Variants in KIAA1755 observed in about 807,000 individuals in gnomAD.
KIAA1755 encodes the protein KIAA1755.
Under a neutral mutation model 91.7 loss-of-function variants are expected in KIAA1755, and 68 were observed. That is an observed-to-expected ratio of 0.74 (90% CI 0.61 to 0.91). The LOEUF (loss-of-function observed/expected upper bound fraction) is 0.91, where lower values mean the gene tolerates loss of function less well. Ranked by LOEUF, KIAA1755 falls within the 40% of genes least tolerant of loss-of-function variation. KIAA1755 has a pLI of 0.00. For synonymous variants in KIAA1755, 610 were observed against 604.6 expected (o/e 1.01, Z -0.13); for missense variants, 1,535 against 1,494.4 (o/e 1.03, Z -0.45).
chr20:38,216,236 G>A (rs896889927), intron 13 of KIAA1755, among the ~76,000 whole-genome samples: 3 of 152,238 alleles, frequency 2.0e-5, no homozygotes, highest in African/African-American at 7.2e-5. Flanking sequence ...GATTCCGCCT[G>A]TATCGTGCTC....
At chr20:38,254,866 T>C (rs1450386758) in intron 1 of KIAA1755, among the ~76,000 whole-genome samples, 1 of 151,664 alleles carries the variant, frequency 6.6e-6, no homozygotes, top group Non-Finnish European at 1.5e-5. Context: ...AATCCTCAGT[T>C]GGTGAGAAGG....
Position 38,241,272 on chromosome 20 carries a change from C to T in KIAA1755, c.859G>A (p.Gly287Arg), listed in dbSNP as rs1200586448. The T allele has an allele frequency of 6.2e-7, 1 of 1,614,028 alleles. No homozygotes were observed. Among genetic ancestry groups the T allele is most frequent in the Non-Finnish European group, 8.5e-7 (1 of 1,180,020 alleles). Residue 287 changes from glycine (G) to arginine (R), a missense_variant, in exon 3 of 14, where the codon GGA becomes AGA. Gly to Arg is a moderately radical substitution (Grantham distance 125). Transcript: ENST00000279024. ...CCTGCCTCCCTACTGGGAGACTCTCCTCTGCTCTCTTGGGAAAAGCCTAGG... is the reference window on the plus strand; with the variant it reads ...CCTGCCTCCCTACTGGGAGACTCTCTTCTGCTCTCTTGGGAAAAGCCTAGG... ...ALLGFSQESRGESPSREAGTS... is the reference protein window; with the variant it reads ...ALLGFSQESRRESPSREAGTS...
At chr20:38,217,163 C>A in intron 13 of KIAA1755, 90 bp downstream of exon 13, 1 of 1,161,248 alleles carries the variant, frequency 8.6e-7, no homozygotes, top group Non-Finnish European at 1.2e-6. Flanking sequence ...TGCAGTCAGG[C>A]CATGGGGCTG....
In KIAA1755 at chr20:38,241,420, C is replaced by T. The variant is rs1186907015; in HGVS notation, c.711G>A (p.Lys237=). 6.8e-6 allele frequency: 11 copies of T among 1,614,102 alleles called. No homozygotes were observed. In the Admixed American group the frequency reaches 1.5e-4, roughly 22 times the overall value. The part of the protein sequence containing the change: ...VLPAQSLAKG[K]GRTYGSKYPG... ...GATACTTGCTCCCATATGTCCTGCC[C>T]TTACCCTTGGCCAAACTCTGGGCAG... Residue 237 remains lysine (K), a synonymous_variant, in exon 3 of 14, where the codon AAG becomes AAA. Coordinates refer to ENST00000279024, the MANE Select transcript of KIAA1755 (RefSeq NM_001029864.2).
Position 38,259,067 on chromosome 20 carries a change from G to A in KIAA1755, c.3+1431C>T, listed in dbSNP as rs142878389. On this transcript the variant is annotated intron_variant, in intron 1 of 13. Coordinates refer to ENST00000279024, the MANE Select transcript of KIAA1755 (RefSeq NM_001029864.2). ...CACTTTCTGGGTGGGGTGACCTTGG[G>A]CAGCTACTTAAGTTCCCAGAGCCTG... Among the ~76,000 whole-genome samples, 35 of 152,280 alleles carry A rather than the reference G, an allele frequency of 2.3e-4. No homozygotes were observed. In the East Asian group the frequency reaches 5.4e-3, roughly 23 times the overall value.
chr20:38,250,331 T>A (rs909652726), intron 1 of KIAA1755, among the ~76,000 whole-genome samples: 1 of 152,176 alleles, frequency 6.6e-6, no homozygotes, highest in Admixed American at 6.5e-5. Context: ...AAATGGAGAC[T>A]GTAATTACAC....
chr20:38,236,388 G>A (rs1421056019), intron 4 of KIAA1755, among the ~76,000 whole-genome samples: 2 of 152,200 alleles, frequency 1.3e-5, no homozygotes, highest in Admixed American at 6.5e-5. Flanking sequence ...AGCCTGGAGA[G>A]AGCATTTACA....
At chr20:38,216,325 G>A (rs2075542863) in intron 13 of KIAA1755, among the ~76,000 whole-genome samples, 2 of 152,224 alleles carry the variant, frequency 1.3e-5, no homozygotes, top group African/African-American at 2.4e-5. Flanking sequence ...CTGTCCCAAG[G>A]AGACAGAGAG....
chr20:38,242,310 C>A (rs775310301), intron 2 of KIAA1755, among the ~76,000 whole-genome samples: 1 of 152,214 alleles, frequency 6.6e-6, no homozygotes, highest in Non-Finnish European at 1.5e-5. Flanking sequence ...GTGGTTTAGA[C>A]AAACGTCTAT....
chr20:38,213,438 T>C lies in KIAA1755; in HGVS notation c.3207A>G (p.Glu1069=), dbSNP rs568341291. The change falls in exon 14 of 14, where the codon GAA becomes GAG. Residue 1069 remains glutamate (E), a synonymous_variant. Coordinates refer to ENST00000279024, the MANE Select transcript of KIAA1755 (RefSeq NM_001029864.2). The part of the protein sequence containing the change: ...EAPAAHSARP[E]RRGVAAKGQG... ...GGCCCTTGGCTGCCACCCCTCTTCG[T>C]TCTGGGCGCGCTGAGTGAGCAGCTG... 3 of 1,602,070 alleles carry C rather than the reference T, an allele frequency of 1.9e-6. No individual in the cohort carries two copies. In the African/African-American group the frequency reaches 4.0e-5, roughly 21 times the overall value.
At chr20:38,235,977 T>C (rs2075953471) in intron 4 of KIAA1755, among the ~76,000 whole-genome samples, 1 of 152,112 alleles carries the variant, frequency 6.6e-6, no homozygotes, top group Non-Finnish European at 1.5e-5. Context: ...GTTTGCCCTA[T>C]AAGGAAACTC....
intron 3 of KIAA1755, among the ~76,000 whole-genome samples, chr20:38,240,300 G>T (rs1314032093): frequency 6.6e-6 from 1 of 152,164 alleles, no homozygotes; most frequent in Admixed American, 6.5e-5. Flanking sequence ...TGCACAGATA[G>T]GGAGAACGTG....
In KIAA1755 at chr20:38,213,445, C is replaced by A; in HGVS notation, c.3200G>T (p.Arg1067Leu). ...GGCTGCCACCCCTCTTCGTTCTGGG[C>A]GCGCTGAGTGAGCAGCTGGAGCCTC... Reference protein sequence around the residue: ...CPEAPAAHSARPERRGVAAKG... With the variant: ...CPEAPAAHSALPERRGVAAKG... Residue 1067 changes from arginine (R) to leucine (L), a missense_variant, in exon 14 of 14, where the codon CGC (arginine) becomes CTC (leucine). Arg to Leu is a moderately radical substitution (Grantham distance 102, BLOSUM62 -2). Transcript: ENST00000279024. The A allele has an allele frequency of 6.2e-7, 1 of 1,601,962 alleles. No individual in the cohort carries two copies.
chr20:38,226,345 GT>G (rs998719119), intron 7 of KIAA1755, among the ~76,000 whole-genome samples: 1 of 152,126 alleles, frequency 6.6e-6, no homozygotes, highest in Admixed American at 6.5e-5. Context: ...GGATTCTGTG[GT>G]TTTTTTGGAC....
rs1366254479 is a variant in KIAA1755 at position 38,213,286 on chromosome 20, G to T, written c.3359C>A (p.Thr1120Asn). The change falls in exon 14 of 14, where the codon ACT (threonine) becomes AAT (asparagine). Residue 1120 changes from threonine to asparagine, a missense_variant. Thr to Asn is a moderately conservative substitution (Grantham distance 65). Coordinates refer to ENST00000279024, the MANE Select transcript of KIAA1755 (RefSeq NM_001029864.2). The part of the protein sequence containing the change: ...PGPPRGEQNR[T>N]FQAGSPPQEA... ...CTGGGGTGGAGAGCCTGCCTGGAAA[G>T]TTCTGTTCTGTTCCCCTCTGGGGGG... The T allele has an allele frequency of 6.2e-7, 1 of 1,613,752 alleles. No homozygotes were observed. Among genetic ancestry groups the T allele is most frequent in the Non-Finnish European group, 8.5e-7 (1 of 1,179,938 alleles).
rs1600547905 is a variant in KIAA1755 at position 38,211,662 on chromosome 20, T to C, written c.*1380A>G. ...AGTTCAGGGAGGCTTGGTGGGGAGGTGAGAGAGAGGAGGGACCTCTAAGGC... is the reference window on the plus strand; with the variant it reads ...AGTTCAGGGAGGCTTGGTGGGGAGGCGAGAGAGAGGAGGGACCTCTAAGGC... On this transcript the variant is annotated 3_prime_UTR_variant, in exon 14 of 14. Coordinates refer to ENST00000279024, the MANE Select transcript of KIAA1755 (RefSeq NM_001029864.2). The C allele has an allele frequency of 1.3e-5, 2 of 151,554 alleles. No individual in the cohort carries two copies. The highest frequency in any genetic ancestry group is 2.4e-5 in the African/African-American group (1 of 41,156). 9.4% of individuals were successfully genotyped at this position (151,554 alleles called of 1,614,324 possible). A position where few individuals can be genotyped will look rare whatever the true frequency, so the allele number is the denominator to read the frequency against.
At chr20:38,213,833 C>A in intron 13 of KIAA1755, 90 bp from the exon 14 acceptor site, 1 of 936,158 alleles carries the variant, frequency 1.1e-6, no homozygotes, top group Non-Finnish European at 1.5e-6. Context: ...GCCAGGGCCC[C>A]GCTCAGCTTG....
At chr20:38,232,320 T>C (rs2075880568) in intron 4 of KIAA1755, among the ~76,000 whole-genome samples, 1 of 152,116 alleles carries the variant, frequency 6.6e-6, no homozygotes, top group Non-Finnish European at 1.5e-5. Context: ...TCTGATATAA[T>C]TTTTAAAATA....
Position 38,260,734 on chromosome 20 carries a change from A to C in KIAA1755, c.-234T>G. 3.2e-6 allele frequency: 1 copy of C among 311,238 alleles called. No homozygotes were observed. Among genetic ancestry groups the C allele is most frequent in the Non-Finnish European group, 5.6e-6 (1 of 179,060 alleles). 19.3% of individuals were successfully genotyped at this position (311,238 alleles called of 1,614,324 possible). ...ACTGAGGCTGGAGACGGCGAGAGAC[A>C]TAAGGGAGCCGCGGGCGGCGCGGGT... is the stretch of plus-strand genomic sequence containing the variant. On this transcript the variant is annotated 5_prime_UTR_variant, in exon 1 of 14. It removes an upstream start codon present in the reference 5' UTR. Coordinates refer to ENST00000279024, the MANE Select transcript of KIAA1755 (RefSeq NM_001029864.2).
Sources: allele counts gnomAD v4.1 joint callset (sites outside exome capture counted in the v4.1 genomes callset), GRCh38; gene constraint gnomAD v4.1.1; transcripts MANE v1.5; gene names NCBI Gene and HGNC (gene_info 2026-07-23, HGNC 2026-07-21).